PODXL: variants seen among roughly 807,000 people sequenced by gnomAD.
The protein encoded by PODXL is podocalyxin like, also known as podocalyxin.
A neutral mutation model predicts 48.9 loss-of-function variants in PODXL; 20 were observed. That is an observed-to-expected ratio of 0.41 (90% CI 0.29 to 0.59). PODXL has a LOEUF of 0.59. PODXL is among the 20% of genes least tolerant of loss of function. The probability of loss-of-function intolerance (pLI) is 0.31; values close to 1 mark genes in which losing one functional copy is unlikely to be tolerated. For synonymous variants in PODXL, 295 were observed against 287.4 expected (o/e 1.03, Z -0.27); for missense variants, 606 against 675.1 (o/e 0.90, Z 1.13).
chr7:131,538,798 C>A (rs1442017764), intron 1 of PODXL, among the ~76,000 whole-genome samples: 1 of 152,180 alleles, frequency 6.6e-6, no homozygotes, highest in Non-Finnish European at 1.5e-5. Flanking sequence ...CCATGCCGAG[C>A]CCCTGGAGCT....
chr7:131,507,133 C>T (rs1170262554), intron 5 of PODXL, among the ~76,000 whole-genome samples: 1 of 152,204 alleles, frequency 6.6e-6, no homozygotes, highest in African/African-American at 2.4e-5. Context: ...GACTCCAATT[C>T]CCCCTAAACT....
At chr7:131,527,000 AAG>A (rs1373790956) in intron 1 of PODXL, among the ~76,000 whole-genome samples, 2 of 152,124 alleles carry the variant, frequency 1.3e-5, no homozygotes, top group Non-Finnish European at 2.9e-5. Context: ...TGGCCTCCCA[AAG>A]TGCTGGCATT....
In PODXL at chr7:131,511,367, A is replaced by G; in HGVS notation, c.167T>C (p.Met56Thr). The G allele has an allele frequency of 6.2e-7, 1 of 1,609,368 alleles. No homozygotes were observed. The highest frequency in any genetic ancestry group is 8.5e-7 in the Non-Finnish European group (1 of 1,179,948). Residue 56 changes from methionine (M) to threonine (T), a missense_variant, in exon 2 of 9, where the codon ATG (methionine) becomes ACG (threonine). By Grantham distance (81) the Met-to-Thr change is moderately conservative. Transcript: ENST00000378555. ...GCTCTGCTGGGCTGTATCTGTAGCC[A>G]TGATGGTGACACTGGATGCTGGAGT... ...APTPASSVTI[M>T]ATDTAQQSTV... is the part of the protein sequence containing the mutation.
chr7:131,545,386 C>G (rs1798558838), intron 1 of PODXL, among the ~76,000 whole-genome samples: 1 of 152,220 alleles, frequency 6.6e-6, no homozygotes, highest in South Asian at 2.1e-4. Context: ...GTTGTTATAG[C>G]TAACGCTTTT....
chr7:131,552,964 G>T (rs1303658086), intron 1 of PODXL, among the ~76,000 whole-genome samples: 1 of 151,978 alleles, frequency 6.6e-6, no homozygotes, highest in Non-Finnish European at 1.5e-5. Context: ...TAATTTTTTT[G>T]TCTTTTTAGT....
chr7:131,533,529 G>C (rs1363139511), intron 1 of PODXL, among the ~76,000 whole-genome samples: 3 of 152,212 alleles, frequency 2.0e-5, no homozygotes, highest in African/African-American at 7.2e-5. Flanking sequence ...GTCTAGCGTG[G>C]AGATGTCCCA....
At chr7:131,540,825 C>T (rs1798467892) in intron 1 of PODXL, among the ~76,000 whole-genome samples, 1 of 152,192 alleles carries the variant, frequency 6.6e-6, no homozygotes. Context: ...GGCCCCGAGC[C>T]AGAGGGAAGT....
chr7:131,536,573 A>G (rs966714982), intron 1 of PODXL, among the ~76,000 whole-genome samples: 4 of 152,226 alleles, frequency 2.6e-5, no homozygotes, highest in Non-Finnish European at 4.4e-5. Context: ...AGGCCAGTCC[A>G]ACACAGCAGG....
chr7:131,516,498 CA>C (rs777621857), intron 1 of PODXL, among the ~76,000 whole-genome samples: 5 of 151,754 alleles, frequency 3.3e-5, no homozygotes, highest in African/African-American at 4.8e-5. Context: ...ACCTGGGAGA[CA>C]GAGAGATACT....
chr7:131,537,994 G>A (rs954171279), intron 1 of PODXL, among the ~76,000 whole-genome samples: 8 of 152,172 alleles, frequency 5.3e-5, no homozygotes, highest in African/African-American at 1.9e-4. Context: ...GCGGCTTCCA[G>A]TTTAGGGCCA....
At chr7:131,530,424 C>T (rs903269955) in intron 1 of PODXL, among the ~76,000 whole-genome samples, 3 of 152,068 alleles carry the variant, frequency 2.0e-5, no homozygotes, top group Non-Finnish European at 4.4e-5. Context: ...ATGTTACGGT[C>T]CCACCTCTGT....
intron 1 of PODXL, among the ~76,000 whole-genome samples, chr7:131,523,678 C>CAAAA (rs753654977): frequency 9.7e-5 from 6 of 61,924 alleles, no homozygotes; most frequent in Admixed American, 5.2e-4. Context: ...GAATCCGTCT[C>CAAAA]AAAAAAAAAA....
At chr7:131,524,481 C>T (rs930427017) in intron 1 of PODXL, among the ~76,000 whole-genome samples, 1 of 151,252 alleles carries the variant, frequency 6.6e-6, no homozygotes, top group Non-Finnish European at 1.5e-5. Context: ...GGAAAAATTA[C>T]CAAAGATATA....
Position 131,509,406 on chromosome 7 carries a change from G to T in PODXL, c.982C>A (p.Pro328Thr). The T allele has an allele frequency of 6.2e-7, 1 of 1,614,118 alleles. No homozygotes were observed. The change falls in exon 4 of 9, where the codon CCC becomes ACC. Residue 328 changes from proline to threonine, a missense_variant. By Grantham distance (38) the Pro-to-Thr change is conservative. Transcript: ENST00000378555. ...GCCACAGTGGGAGAAGGTGTTTTGGGGTATCGGTGGGTAGTTGATGCTGCT... is the reference window on the plus strand; with the variant it reads ...GCCACAGTGGGAGAAGGTGTTTTGGTGTATCGGTGGGTAGTTGATGCTGCT... ...PTAASTTHRYPKTPSPTVAHE... is the reference protein window; with the variant it reads ...PTAASTTHRYTKTPSPTVAHE...
intron 1 of PODXL, among the ~76,000 whole-genome samples, chr7:131,512,372 A>G (rs1044759959): frequency 6.6e-6 from 1 of 152,144 alleles, no homozygotes; most frequent in African/African-American, 2.4e-5. Flanking sequence ...GAGGAAGGAA[A>G]TGATGCAGAG....
Position 131,509,548 on chromosome 7 carries a change from G to A in PODXL, c.840C>T (p.Ser280=). 6.3e-7 allele frequency: 1 copy of A among 1,594,026 alleles called. No homozygotes were observed. Among genetic ancestry groups the A allele is most frequent in the Non-Finnish European group, 8.6e-7 (1 of 1,168,180 alleles). ...CCGTAGAGCTGGCTGGCATCTGACT[G>A]GAGGTCTGTTGAGTTCTTTGCGAGA... is the stretch of plus-strand genomic sequence containing the variant. ...SVISQRTQQT[S]SQMPASSTAP... is the part of the protein sequence containing the mutation. The change falls in exon 4 of 9, where the codon TCC becomes TCT. Residue 280 remains serine (S), a synonymous_variant. Coordinates refer to ENST00000378555, the MANE Select transcript of PODXL (RefSeq NM_001018111.3).
chr7:131,540,370 G>T (rs923613289), intron 1 of PODXL, among the ~76,000 whole-genome samples: 1 of 151,988 alleles, frequency 6.6e-6, no homozygotes, highest in Non-Finnish European at 1.5e-5. Flanking sequence ...GTTCAGAAAA[G>T]GAGAGACAGA....
At chr7:131,506,838 G>T (rs1797814297) in intron 5 of PODXL, 112 bp from the exon 6 acceptor site, 5 of 1,186,052 alleles carry the variant, frequency 4.2e-6, no homozygotes, top group Non-Finnish European at 6.1e-6. Context: ...GCTAGAACCT[G>T]CCTCCCTCTC....
intron 1 of PODXL, among the ~76,000 whole-genome samples, chr7:131,539,698 A>G (rs1481778984): frequency 6.6e-6 from 1 of 152,218 alleles, no homozygotes; most frequent in East Asian, 1.9e-4. Flanking sequence ...GGCTGGAAGA[A>G]GGGGCAGCCA....
Sources: allele counts gnomAD v4.1 joint callset (sites outside exome capture counted in the v4.1 genomes callset), GRCh38; gene constraint gnomAD v4.1.1; transcripts MANE v1.5; gene names NCBI Gene and HGNC (gene_info 2026-07-23, HGNC 2026-07-21).